GDF5: variants seen among roughly 807,000 people sequenced by gnomAD.
GDF5 encodes the protein growth differentiation factor 5, also known as growth/differentiation factor 5.
Under a neutral mutation model 34.6 loss-of-function variants are expected in GDF5, and 17 were observed. That is an observed-to-expected ratio of 0.49 (90% CI 0.34 to 0.74). GDF5 has a LOEUF of 0.74. GDF5 is among the 30% of genes least tolerant of loss of function. The probability of loss-of-function intolerance (pLI) is 0.01; values close to 1 mark genes in which losing one functional copy is unlikely to be tolerated. For synonymous variants in GDF5, 332 were observed against 290.7 expected (o/e 1.14, Z -1.44); for missense variants, 616 against 661.2 (o/e 0.93, Z 0.75).
At chr20:35,453,036 T>G (rs1476912994) in intron 1 of GDF5, among the ~76,000 whole-genome samples, 50 of 151,686 alleles carry the variant, frequency 3.3e-4, no homozygotes, top group Admixed American at 3.3e-3. Context: ...GATCACGAGG[T>G]CAGGAGATCA....
chr20:35,437,344 C>T lies in GDF5; in HGVS notation c.585G>A (p.Glu195=). 2.5e-6 allele frequency: 4 copies of T among 1,613,568 alleles called. No homozygotes were observed. Among genetic ancestry groups the T allele is most frequent in the Non-Finnish European group, 3.4e-6 (4 of 1,179,686 alleles). ...TGGTGATGGTGTTGGCCAGGCCAGC[C>T]TCCAACTTCACGCTGCTGTTGCCTC... ...RKGGNSSVKL[E]AGLANTITSF... Residue 195 remains glutamate (E), a synonymous_variant, in exon 1 of 2, where the codon GAG becomes GAA. Coordinates refer to ENST00000374369, the MANE Select transcript of GDF5 (RefSeq NM_000557.5).
chr20:35,440,771 T>C (rs1555823879), upstream of GDF5, among the ~76,000 whole-genome samples: 1 of 152,232 alleles, frequency 6.6e-6, no homozygotes, highest in Non-Finnish European at 1.5e-5. Flanking sequence ...TATAATAATT[T>C]CTTTACATAC....
upstream of GDF5, among the ~76,000 whole-genome samples, chr20:35,439,034 A>G (rs1601076350): frequency 1.3e-5 from 2 of 151,852 alleles, no homozygotes; most frequent in South Asian, 4.2e-4. Flanking sequence ...CCTACCCCCA[A>G]ATGCCATTGA....
Position 35,438,207 on chromosome 20 carries a change from G to A in GDF5, c.-279C>T, listed in dbSNP as rs1011224641. On this transcript the variant is annotated 5_prime_UTR_variant, in exon 1 of 2. Transcript: ENST00000374369. ...CGTTCTTGAAAGGAGAAAGCCGACC[G>A]CCCCCTTTCTCCTGCACAACTGACT... 2.8e-5 allele frequency: 14 copies of A among 502,076 alleles called. No individual in the cohort carries two copies. The highest frequency in any genetic ancestry group is 3.6e-5 in the East Asian group (1 of 27,524). 31.1% of individuals were successfully genotyped at this position (502,076 alleles called of 1,614,324 possible).
intron 1 of GDF5, 136 bp from the exon 2 acceptor site, chr20:35,434,919 C>A: frequency 1.1e-6 from 1 of 947,192 alleles, no homozygotes; most frequent in Non-Finnish European, 1.7e-6. Flanking sequence ...TGACAGAAGC[C>A]AAGAGCCAAA....
intron 1 of GDF5, among the ~76,000 whole-genome samples, chr20:35,446,622 GTT>G (rs1241293991): frequency 6.6e-6 from 1 of 151,588 alleles, no homozygotes; most frequent in African/African-American, 2.4e-5. Flanking sequence ...TTACAGTTTT[GTT>G]TTGTTTTGTT....
chr20:35,445,065 A>G (rs182391259), intron 1 of GDF5, among the ~76,000 whole-genome samples: 143 of 152,280 alleles, frequency 9.4e-4, no homozygotes, highest in African/African-American at 3.2e-3. Context: ...TGGGAACCCA[A>G]TGGGATGTTT....
rs2062482177 is a variant in GDF5, at chr20:35,437,963, C to A, written c.-35G>T. On this transcript the variant is annotated 5_prime_UTR_variant, in exon 1 of 2. Transcript: ENST00000374369. Reference sequence around the variant, plus strand: ...AGCCGCTGAATGACACCAAAGAGAACAGCGGCAGCAGCGAAGGTGCCTCTG... The same window carrying A: ...AGCCGCTGAATGACACCAAAGAGAAAAGCGGCAGCAGCGAAGGTGCCTCTG... The A allele has an allele frequency of 6.2e-7, 1 of 1,610,744 alleles. No homozygotes were observed. The highest frequency in any genetic ancestry group is 8.5e-7 in the Non-Finnish European group (1 of 1,178,170).
chr20:35,450,558 G>A (rs374313127), intron 1 of GDF5, among the ~76,000 whole-genome samples: 3 of 151,926 alleles, frequency 2.0e-5, no homozygotes, highest in African/African-American at 7.3e-5. Context: ...TCTGGGCCTC[G>A]CAGATGTTTA....
chr20:35,437,769 C>T lies in GDF5; in HGVS notation c.160G>A (p.Ala54Thr). Residue 54 changes from alanine (A) to threonine (T), a missense_variant, in exon 1 of 2, where the codon GCC becomes ACC. By Grantham distance (58) the Ala-to-Thr change is moderately conservative. Coordinates refer to ENST00000374369, the MANE Select transcript of GDF5 (RefSeq NM_000557.5). ...KAEAKERPPL[A>T]RNVFRPGGHS... ...CCCCCTGGCCTGAAGACGTTCCGGG[C>T]CAGGGGGGGCCTCTCCTTGGCCTCT... is the stretch of plus-strand genomic sequence containing the variant. 6.2e-7 allele frequency: 1 copy of T among 1,612,364 alleles called. No individual in the cohort carries two copies. Among genetic ancestry groups the T allele is most frequent in the Admixed American group, 1.7e-5 (1 of 59,720 alleles).
At chr20:35,450,959 A>C (rs953988669) in intron 1 of GDF5, among the ~76,000 whole-genome samples, 6 of 150,152 alleles carry the variant, frequency 4.0e-5, no homozygotes, top group African/African-American at 1.5e-4. Context: ...ATATCTCCAC[A>C]CAAATTATCT....
At chr20:35,444,863 G>C (rs1486552565) in intron 1 of GDF5, among the ~76,000 whole-genome samples, 3 of 152,160 alleles carry the variant, frequency 2.0e-5, no homozygotes, top group Admixed American at 1.3e-4. Context: ...AAAGTGCTGG[G>C]ATTACAGGCA....
At chr20:35,451,048 A>ATATATATATATAT (rs1403286330) in intron 1 of GDF5, among the ~76,000 whole-genome samples, 36 of 4,624 alleles carry the variant, frequency 7.8e-3, no homozygotes, top group Non-Finnish European at 0.025. Context: ...AACAGAAAAA[A>ATATATATATATAT]AAAAAAAAAA....
rs1267167107 is a variant in GDF5 at position 35,437,982 on chromosome 20, G to T, written c.-54C>A. ...AGAGAACAGCGGCAGCAGCGAAGGT[G>T]CCTCTGGTTTGGCAGGAAAAACCAT... On this transcript the variant is annotated 5_prime_UTR_variant, in exon 1 of 2. Transcript: ENST00000374369. The T allele has an allele frequency of 3.1e-6, 5 of 1,605,050 alleles. No individual in the cohort carries two copies. Among genetic ancestry groups the T allele is most frequent in the Non-Finnish European group, 4.3e-6 (5 of 1,174,868 alleles).
In GDF5 at chr20:35,437,522, T is replaced by C; in HGVS notation, c.407A>G (p.Lys136Arg). 6.2e-7 allele frequency: 1 copy of C among 1,613,972 alleles called. No individual in the cohort carries two copies. Among genetic ancestry groups the C allele is most frequent in the Non-Finnish European group, 8.5e-7 (1 of 1,179,952 alleles). Residue 136 changes from lysine to arginine, a missense_variant, in exon 1 of 2, where the codon AAA (lysine) becomes AGA (arginine). Transcript: ENST00000374369. ...GQLPGGKAPP[K>R]AGSVPSSFLL... ...GAAGGAGCTGGGGACAGATCCTGCT[T>C]TTGGGGGTGCCTTGCCTCCGGGAAG...
upstream of GDF5, among the ~76,000 whole-genome samples, chr20:35,439,522 G>C (rs186368494): frequency 6.6e-6 from 1 of 152,154 alleles, no homozygotes; most frequent in Admixed American, 6.5e-5. Context: ...CCACCGCGCC[G>C]GGCACAATTT....
intron 1 of GDF5, among the ~76,000 whole-genome samples, chr20:35,453,602 G>A (rs1476911582): frequency 6.6e-6 from 1 of 152,214 alleles, no homozygotes; most frequent in Non-Finnish European, 1.5e-5. Flanking sequence ...AGTGCCTGGA[G>A]ATGTTCCTTT....
At chr20:35,445,758 T>C (rs1243349964) in intron 1 of GDF5, among the ~76,000 whole-genome samples, 3 of 151,472 alleles carry the variant, frequency 2.0e-5, no homozygotes, top group South Asian at 2.1e-4. Flanking sequence ...TCACCTGAGG[T>C]TGTGAGTTCG....
intron 1 of GDF5, among the ~76,000 whole-genome samples, chr20:35,449,508 C>T (rs1329800542): frequency 6.6e-6 from 1 of 152,170 alleles, no homozygotes; most frequent in African/African-American, 2.4e-5. Context: ...CAGCTGCTCC[C>T]TCTTTATAGA....
Sources: gnomAD v4.1 joint callset for allele counts (sites outside exome capture counted in the v4.1 genomes callset) on GRCh38, gnomAD v4.1.1 for gene constraint, MANE v1.5 for transcripts, NCBI Gene and HGNC (gene_info 2026-07-23, HGNC 2026-07-21) for gene names.